The following XYLT1 variants were observed in gnomAD, a reference collection of about 807,000 sequenced individuals.
XYLT1 encodes the protein beta-D-xylosyltransferase 1.
Under a neutral mutation model 91.3 loss-of-function variants are expected in XYLT1, and 36 were observed. The ratio of observed to expected loss-of-function variants is 0.39; its 90% confidence interval spans 0.30 to 0.52. The LOEUF (loss-of-function observed/expected upper bound fraction) is 0.52. Among genes scored for constraint, XYLT1 ranks in the 20% least tolerant of loss-of-function variants. XYLT1 has a pLI of 0.68. For missense variants in XYLT1, 1,242 were observed against 1,284.5 expected (o/e 0.97, Z 0.51); for synonymous variants, 588 against 532.0 (o/e 1.11, Z -1.45).
chr16:17,115,483 CTTTT>C (rs58467134), intron 11 of XYLT1, among the ~76,000 whole-genome samples: 2 of 137,768 alleles, frequency 1.5e-5, no homozygotes, highest in Admixed American at 7.3e-5. Context: ...GACCTAAATT[CTTTT>C]TTTTTTTTTT....
chr16:17,387,180 C>A lies in XYLT1; in HGVS notation c.364-29130G>T, dbSNP rs1228105962. Among the ~76,000 whole-genome samples the A allele has an allele frequency of 3.9e-5, 6 of 152,164 alleles. 1 individual carries two copies. The highest frequency in any genetic ancestry group is 8.8e-5 in the Non-Finnish European group (6 of 68,028). On this transcript the variant is annotated intron_variant, in intron 1 of 11. Transcript: ENST00000261381. ...ACTCAGTGTATGGATTCCTCTCCTC[C>A]ATCCTTCATGCATAGACCCTCTTAT... is the stretch of plus-strand genomic sequence containing the variant.
intron 3 of XYLT1, among the ~76,000 whole-genome samples, chr16:17,247,156 T>TTCACTCATTCACTCATTC (rs2033448686): frequency 1.6e-5 from 2 of 125,582 alleles, no homozygotes; most frequent in African/African-American, 6.0e-5. Flanking sequence ...TTCATTCATT[T>TTCACTCATTCACTCATTC]ATTCATTCAC....
intron 3 of XYLT1, among the ~76,000 whole-genome samples, chr16:17,204,286 C>G (rs895512354): frequency 6.6e-6 from 1 of 152,204 alleles, no homozygotes; most frequent in Non-Finnish European, 1.5e-5. Flanking sequence ...CAGACAGACA[C>G]AGACATGGAT....
chr16:17,452,321 T>A (rs1042470853), intron 1 of XYLT1, among the ~76,000 whole-genome samples: 37 of 150,318 alleles, frequency 2.5e-4, no homozygotes, highest in African/African-American at 8.8e-4. Flanking sequence ...TTTTTTTTTT[T>A]TGTTAGTAAC....
At chr16:17,333,789 T>C (rs1596487198) in intron 2 of XYLT1, among the ~76,000 whole-genome samples, 1 of 151,920 alleles carries the variant, frequency 6.6e-6, no homozygotes, top group Admixed American at 6.6e-5. Flanking sequence ...GGTTTCACCA[T>C]GTTGGCCAGA....
rs180884435 is a variant in XYLT1, at chr16:17,342,690, C to T, written c.402+15322G>A. ...TGAGCCGAGATCGCACCATTGCACT[C>T]CAGCCTGGGCAACAGAGAGAGACCC... On this transcript the variant is annotated intron_variant, in intron 2 of 11. Transcript: ENST00000261381. Among the ~76,000 whole-genome samples the T allele has an allele frequency of 5.2e-3, 794 of 152,164 alleles. 3 individuals carry two copies. Among genetic ancestry groups the T allele is most frequent in the Middle Eastern group, 0.01 (3 of 294 alleles).
chr16:17,325,953 C>T (rs578196417), intron 2 of XYLT1, among the ~76,000 whole-genome samples: 128 of 152,278 alleles, frequency 8.4e-4, no homozygotes, highest in Non-Finnish European at 1.5e-3. Context: ...ATCCGTGTTC[C>T]GCTTGTCTGA....
At chr16:17,237,379 TG>T (rs1439411412) in intron 3 of XYLT1, among the ~76,000 whole-genome samples, 1 of 152,154 alleles carries the variant, frequency 6.6e-6, no homozygotes, top group Non-Finnish European at 1.5e-5. Context: ...TGGCCTCCCT[TG>T]GGGTGACTCC....
intron 2 of XYLT1, among the ~76,000 whole-genome samples, chr16:17,317,054 C>T (rs1033167917): frequency 6.7e-6 from 1 of 149,902 alleles, no homozygotes; most frequent in Non-Finnish European, 1.5e-5. Flanking sequence ...GATCTCCTGA[C>T]CTCGTGATCC....
chr16:17,404,694 G>A (rs115879830), intron 1 of XYLT1, among the ~76,000 whole-genome samples: 2 of 152,136 alleles, frequency 1.3e-5, no homozygotes, highest in Admixed American at 6.5e-5. Context: ...CCAACAACTC[G>A]GGAGGCTGAG....
At chr16:17,407,579 C>T (rs2141907941) in intron 1 of XYLT1, among the ~76,000 whole-genome samples, 1 of 152,336 alleles carries the variant, frequency 6.6e-6, no homozygotes, top group African/African-American at 2.4e-5. Context: ...AGGCATGAGA[C>T]AGCAGCACTC....
intron 1 of XYLT1, among the ~76,000 whole-genome samples, chr16:17,401,224 A>G (rs974752936): frequency 6.6e-6 from 1 of 152,160 alleles, no homozygotes; most frequent in African/African-American, 2.4e-5. Context: ...AGGGACGAGG[A>G]AGCAAGGGAA....
intron 1 of XYLT1, among the ~76,000 whole-genome samples, chr16:17,442,836 G>T (rs2036547551): frequency 6.6e-6 from 1 of 151,910 alleles, no homozygotes; most frequent in Admixed American, 6.6e-5. Flanking sequence ...CAACTTCATG[G>T]CTTAACCTTC....
At chr16:17,323,181 A>C (rs1198403283) in intron 2 of XYLT1, among the ~76,000 whole-genome samples, 1 of 152,204 alleles carries the variant, frequency 6.6e-6, no homozygotes, top group Non-Finnish European at 1.5e-5. Context: ...ACACTGGTTG[A>C]GTTCTAATTG....
chr16:17,443,105 A>C (rs912282952), intron 1 of XYLT1, among the ~76,000 whole-genome samples: 1 of 152,214 alleles, frequency 6.6e-6, no homozygotes, highest in Non-Finnish European at 1.5e-5. Flanking sequence ...ATGCTTTTGT[A>C]AAATAAGTAT....
intron 2 of XYLT1, among the ~76,000 whole-genome samples, chr16:17,344,222 C>T (rs951820991): frequency 6.6e-6 from 1 of 151,774 alleles, no homozygotes. Flanking sequence ...AGGCCGGGTG[C>T]CTGTAATCCC....
At chr16:17,110,563 A>G (rs1024423498) in intron 11 of XYLT1, among the ~76,000 whole-genome samples, 2 of 152,172 alleles carry the variant, frequency 1.3e-5, no homozygotes, top group Non-Finnish European at 2.9e-5. Flanking sequence ...CTGTGAGTCC[A>G]TTAAACTTCT....
chr16:17,353,401 C>G (rs2035247386), intron 2 of XYLT1, among the ~76,000 whole-genome samples: 1 of 152,126 alleles, frequency 6.6e-6, no homozygotes, highest in Admixed American at 6.6e-5. Flanking sequence ...TGGCAAGAGA[C>G]CTTGCCAGTT....
intron 8 of XYLT1, among the ~76,000 whole-genome samples, chr16:17,135,698 G>C (rs2030691943): frequency 6.6e-6 from 1 of 152,218 alleles, no homozygotes; most frequent in Admixed American, 6.5e-5. Flanking sequence ...GTCACTATCA[G>C]AGATGGGACG....
Sources: allele counts gnomAD v4.1 joint callset (sites outside exome capture counted in the v4.1 genomes callset), GRCh38; gene constraint gnomAD v4.1.1; transcripts MANE v1.5; gene names NCBI Gene and HGNC (gene_info 2026-07-23, HGNC 2026-07-21).